CLMP: variants seen among roughly 807,000 people sequenced by gnomAD.
CLMP encodes the protein CXADR like cell adhesion molecule.
CLMP carries 27 observed loss-of-function variants against 45.2 expected under a neutral mutation model. The observed-to-expected ratio is 0.60, with a 90% CI of 0.44 to 0.82. The LOEUF (loss-of-function observed/expected upper bound fraction) is 0.82, where lower values mean the gene tolerates loss of function less well. Among genes scored for constraint, CLMP ranks in the 40% least tolerant of loss-of-function variants. The pLI, the probability that CLMP is intolerant of heterozygous loss-of-function variation, is 0.00. For synonymous variants in CLMP, 167 were observed against 171.4 expected (o/e 0.97, Z 0.20); for missense variants, 403 against 448.4 (o/e 0.90, Z 0.91).
intron 1 of CLMP, among the ~76,000 whole-genome samples, chr11:123,144,702 A>C (rs1281619304): frequency 6.6e-6 from 1 of 152,184 alleles, no homozygotes; most frequent in Non-Finnish European, 1.5e-5. Flanking sequence ...AACTGAGGCT[A>C]AATGGACATG....
At chr11:123,095,601 T>G (rs556302429) in intron 2 of CLMP, among the ~76,000 whole-genome samples, 9 of 152,218 alleles carry the variant, frequency 5.9e-5, no homozygotes, top group African/African-American at 1.9e-4. Flanking sequence ...AACAGACTAT[T>G]CAAGAGGCGC....
intron 2 of CLMP, among the ~76,000 whole-genome samples, chr11:123,087,724 G>A (rs1865881927): frequency 6.6e-6 from 1 of 151,374 alleles, no homozygotes; most frequent in Non-Finnish European, 1.5e-5. Flanking sequence ...AAGAGGCTGA[G>A]GCAGAAGAAT....
intron 1 of CLMP, among the ~76,000 whole-genome samples, chr11:123,184,970 G>T (rs1055114331): frequency 1.3e-5 from 2 of 152,182 alleles, no homozygotes; most frequent in Admixed American, 1.3e-4. Flanking sequence ...TATTCTAAAG[G>T]TGTGGACAAG....
chr11:123,078,638 G>GT (rs1865766263), intron 5 of CLMP, among the ~76,000 whole-genome samples: 3 of 142,818 alleles, frequency 2.1e-5, no homozygotes, highest in Non-Finnish European at 4.6e-5. Context: ...TGTTTTTTTT[G>GT]GTTTTTTTTG....
At chr11:123,078,769 C>T (rs576842680) in intron 5 of CLMP, among the ~76,000 whole-genome samples, 10 of 151,958 alleles carry the variant, frequency 6.6e-5, no homozygotes, top group Admixed American at 2.0e-4. Context: ...CTCAGCCTCC[C>T]GAGTAGCTGG....
intron 2 of CLMP, among the ~76,000 whole-genome samples, chr11:123,091,957 C>G (rs890367526): frequency 3.9e-5 from 6 of 152,198 alleles, no homozygotes; most frequent in Non-Finnish European, 8.8e-5. Context: ...CTCTGAATCT[C>G]GTTGTCCCCA....
At chr11:123,181,806 G>A (rs1401708660) in intron 1 of CLMP, among the ~76,000 whole-genome samples, 2 of 152,198 alleles carry the variant, frequency 1.3e-5, no homozygotes, top group African/African-American at 2.4e-5. Flanking sequence ...GTGACAGTTC[G>A]ATTTCTTGTT....
intron 1 of CLMP, among the ~76,000 whole-genome samples, chr11:123,170,813 G>T (rs1328318744): frequency 6.6e-6 from 1 of 152,088 alleles, no homozygotes; most frequent in Non-Finnish European, 1.5e-5. Context: ...CTGTTTGCTG[G>T]CATTAATACT....
intron 1 of CLMP, among the ~76,000 whole-genome samples, chr11:123,156,766 C>T (rs1861420367): frequency 6.8e-6 from 1 of 147,302 alleles, no homozygotes. Context: ...AAAAATCTCA[C>T]AAATGTGCTT....
intron 1 of CLMP, among the ~76,000 whole-genome samples, chr11:123,123,554 T>C (rs1860848895): frequency 6.6e-6 from 1 of 152,094 alleles, no homozygotes. Context: ...CCACTGTGCC[T>C]GGCCAAGGTT....
At chr11:123,123,237 C>A (rs1020537325) in intron 1 of CLMP, among the ~76,000 whole-genome samples, 1 of 140,158 alleles carries the variant, frequency 7.1e-6, no homozygotes, top group Non-Finnish European at 1.6e-5. Flanking sequence ...AGATTTTTTT[C>A]TTTTCTTTCT....
intron 1 of CLMP, among the ~76,000 whole-genome samples, chr11:123,115,946 G>C (rs904144499): frequency 6.6e-6 from 1 of 152,030 alleles, no homozygotes; most frequent in Non-Finnish European, 1.5e-5. Flanking sequence ...CTGTTGGATG[G>C]GGTTGTAGTC....
At chr11:123,133,366 G>A (rs1861020052) in intron 1 of CLMP, among the ~76,000 whole-genome samples, 1 of 151,988 alleles carries the variant, frequency 6.6e-6, no homozygotes, top group South Asian at 2.1e-4. Flanking sequence ...AGAGTTTAGT[G>A]GAATCCTCCT....
chr11:123,149,090 C>T (rs1264005370), intron 1 of CLMP, among the ~76,000 whole-genome samples: 1 of 152,064 alleles, frequency 6.6e-6, no homozygotes, highest in Non-Finnish European at 1.5e-5. Context: ...TATCAAAGGC[C>T]CTGAATTTTC....
intron 1 of CLMP, among the ~76,000 whole-genome samples, chr11:123,139,094 G>A (rs907809442): frequency 1.3e-5 from 2 of 152,034 alleles, no homozygotes; most frequent in African/African-American, 4.8e-5. Flanking sequence ...ATTTATGTAT[G>A]GTGTATGGCG....
intron 1 of CLMP, among the ~76,000 whole-genome samples, chr11:123,177,810 A>G (rs1861717461): frequency 6.6e-6 from 1 of 152,162 alleles, no homozygotes; most frequent in Non-Finnish European, 1.5e-5. Flanking sequence ...AGTTCATTGT[A>G]TGTTAATTAT....
rs186221180 is a variant in CLMP, at chr11:123,110,943, A to T, written c.29-12991T>A. On this transcript the variant is annotated intron_variant, in intron 1 of 6. Transcript: ENST00000448775. Reference sequence around the variant, plus strand: ...TGAGTAGCTGTAAAGGGGTCCTTATATGTGGATGTTAAACCCAATATTTAA... The same window carrying T: ...TGAGTAGCTGTAAAGGGGTCCTTATTTGTGGATGTTAAACCCAATATTTAA... 7.9e-4 allele frequency among the ~76,000 whole-genome samples: 121 copies of T among 152,322 alleles called. 1 individual carries two copies. The highest frequency in any genetic ancestry group is 2.8e-3 in the African/African-American group (117 of 41,578).
At chr11:123,122,310 A>T (rs12286620) in intron 1 of CLMP, among the ~76,000 whole-genome samples, 2 of 151,924 alleles carry the variant, frequency 1.3e-5, no homozygotes, top group African/African-American at 4.8e-5. Context: ...TGTGCCAGGT[A>T]CTCTGCTCCA....
chr11:123,130,477 G>C (rs969465933), intron 1 of CLMP, among the ~76,000 whole-genome samples: 3 of 152,170 alleles, frequency 2.0e-5, no homozygotes, highest in African/African-American at 4.8e-5. Flanking sequence ...GGTATGGTCT[G>C]GATGGTTTTT....
Sources: gnomAD v4.1 joint callset for allele counts (sites outside exome capture counted in the v4.1 genomes callset) on GRCh38, gnomAD v4.1.1 for gene constraint, MANE v1.5 for transcripts, NCBI Gene and HGNC (gene_info 2026-07-23, HGNC 2026-07-21) for gene names.